The following GPAT4 variants were observed in gnomAD, a reference collection of about 807,000 sequenced individuals.
The protein encoded by GPAT4 is glycerol-3-phosphate acyltransferase 4, also known as 1-AGP acyltransferase 6.
GPAT4 carries 17 observed loss-of-function variants against 58.0 expected under a neutral mutation model. The ratio of observed to expected loss-of-function variants is 0.29; its 90% CI spans 0.20 to 0.44. The LOEUF is 0.44. Ranked by LOEUF, GPAT4 falls within the 20% of genes least tolerant of loss-of-function variation. The pLI, the probability that GPAT4 is intolerant of heterozygous loss-of-function variation, is 1.00. For missense variants in GPAT4, 377 were observed against 574.5 expected (o/e 0.66, Z 3.51); for synonymous variants, 204 against 210.1 (o/e 0.97, Z 0.25).
chr8:41,609,301 G>T, intron 2 of GPAT4, 115 bp from the exon 3 acceptor site: 1 of 1,090,180 alleles, frequency 9.2e-7, no homozygotes, highest in Non-Finnish European at 1.4e-6. Context: ...TGTGCTTCTT[G>T]GCTACGGTCT....
At chr8:41,620,849 G>T in intron 12 of GPAT4, 44 bp from the exon 13 acceptor site, 2 of 1,549,220 alleles carry the variant, frequency 1.3e-6, no homozygotes, top group Non-Finnish European at 1.7e-6. Flanking sequence ...AGCGTGGCTG[G>T]GAGCCCTCTT....
chr8:41,614,519 G>C, intron 9 of GPAT4, 78 bp downstream of exon 9: 1 of 1,420,990 alleles, frequency 7.0e-7, no homozygotes. Context: ...TGGGAACCAA[G>C]GCCCTCAGCC....
At chr8:41,619,875 G>A (rs1469594145) in intron 12 of GPAT4, among the ~76,000 whole-genome samples, 2 of 152,228 alleles carry the variant, frequency 1.3e-5, no homozygotes, top group African/African-American at 4.8e-5. Flanking sequence ...CACTCACTGT[G>A]TGCCAGTCAC....
chr8:41,585,229 A>T (rs977728489), intron 1 of GPAT4, among the ~76,000 whole-genome samples: 1 of 152,158 alleles, frequency 6.6e-6, no homozygotes, highest in African/African-American at 2.4e-5. Flanking sequence ...TGGTGGGCCT[A>T]TGTATGTTCT....
intron 1 of GPAT4, among the ~76,000 whole-genome samples, chr8:41,589,003 T>C (rs1292138143): frequency 6.6e-6 from 1 of 152,200 alleles, no homozygotes; most frequent in Non-Finnish European, 1.5e-5. Context: ...CTTCCCCAGC[T>C]CACATTCTTA....
intron 1 of GPAT4, among the ~76,000 whole-genome samples, chr8:41,595,918 G>T (rs1461774692): frequency 1.3e-5 from 2 of 152,032 alleles, no homozygotes; most frequent in Non-Finnish European, 2.9e-5. Flanking sequence ...ACTGTGGCGG[G>T]GCAGGGGTGG....
rs1395360291 is a variant in GPAT4, at chr8:41,622,135, TC to T, written c.*1136del. On this transcript the variant is annotated 3_prime_UTR_variant, in exon 13 of 13. Transcript: ENST00000396987. ...AATTTCCAGCACAGACGTGGATTTCTCCAGAGACGGGGTGTGTGCGGGTCGC... is the reference window on the plus strand; with the variant it reads ...AATTTCCAGCACAGACGTGGATTTCTCAGAGACGGGGTGTGTGCGGGTCGC... The T allele has an allele frequency of 6.6e-6, 1 of 151,428 alleles. No individual in the cohort carries two copies. Among genetic ancestry groups the T allele is most frequent in the African/African-American group, 2.4e-5 (1 of 41,110 alleles). 9.4% of individuals were successfully genotyped at this position (151,428 alleles called of 1,614,324 possible).
intron 6 of GPAT4, 62 bp downstream of exon 6, chr8:41,612,054 A>G (rs373452542): frequency 6.3e-7 from 1 of 1,596,704 alleles, no homozygotes; most frequent in South Asian, 1.1e-5. Context: ...ACCCACCTAT[A>G]CTTAGCCAAA....
At chr8:41,604,045 TTTTTTTTTGC>T (rs1277911226) in intron 2 of GPAT4, among the ~76,000 whole-genome samples, 2 of 152,182 alleles carry the variant, frequency 1.3e-5, no homozygotes, top group African/African-American at 4.8e-5. Flanking sequence ...AATTTTTTTT[TTTTTTTTTGC>T]CTTCTTCCTT....
chr8:41,620,656 G>C (rs1215030305), intron 12 of GPAT4, among the ~76,000 whole-genome samples: 1 of 152,196 alleles, frequency 6.6e-6, no homozygotes, highest in Non-Finnish European at 1.5e-5. Context: ...CAAGTACCTT[G>C]AATGTGAGTA....
At position 41,593,996 on chromosome 8, in the gene GPAT4, T is replaced by C. The variant is rs371842174; in HGVS notation, c.-848-4296T>C. Among the ~76,000 whole-genome samples the C allele has an allele frequency of 4.6e-4, 70 of 152,370 alleles. 4 individuals carry two copies. In the East Asian group the frequency reaches 6.2e-3, roughly 13 times the overall value. ...GATGATTTTTATACCAGATAAGCTA[T>C]ATTTCATTTTTATATTAGTGTGTTA... On this transcript the variant is annotated intron_variant, in intron 1 of 12. Transcript: ENST00000396987.
chr8:41,619,101 T>G lies in GPAT4; in HGVS notation c.1262+124T>G, dbSNP rs184153988. 6.7e-5 allele frequency: 82 copies of G among 1,218,650 alleles called. No individual in the cohort carries two copies. In the East Asian group the frequency reaches 1.8e-3, roughly 27 times the overall value. The allele number at this position is 1,218,650 out of a possible 1,614,324, so 75.5% of individuals were successfully genotyped here. A position where few individuals can be genotyped will look rare whatever the true frequency, so the allele number is the denominator to read the frequency against. ...CTTGTCAGCTCTAGAGAGAGCAGTT[T>G]GACTCTCCCCGAATTCCAACCCAGA... On this transcript the variant is annotated intron_variant, in intron 12 of 12. Coordinates refer to ENST00000396987, the MANE Select transcript of GPAT4 (RefSeq NM_178819.4).
intron 2 of GPAT4, 34 bp from the exon 3 acceptor site, chr8:41,609,382 C>A (rs756256314): frequency 1.4e-4 from 224 of 1,600,614 alleles, no homozygotes; most frequent in Non-Finnish European, 1.8e-4. Context: ...AGGTCTCATT[C>A]TTGCTCTTGT....
At chr8:41,605,950 A>G (rs920216338) in intron 2 of GPAT4, among the ~76,000 whole-genome samples, 2 of 152,162 alleles carry the variant, frequency 1.3e-5, no homozygotes, top group Admixed American at 6.5e-5. Context: ...AGAGGGAAGC[A>G]ATTCAATAGG....
At chr8:41,587,319 GGTA>G (rs1223758595) in intron 1 of GPAT4, among the ~76,000 whole-genome samples, 1 of 152,192 alleles carries the variant, frequency 6.6e-6, no homozygotes, top group Non-Finnish European at 1.5e-5. Context: ...AGGCAAAAGT[GGTA>G]GTTGAAAACC....
intron 2 of GPAT4, among the ~76,000 whole-genome samples, chr8:41,606,787 A>G (rs894721468): frequency 2.0e-5 from 3 of 152,180 alleles, no homozygotes; most frequent in South Asian, 2.1e-4. Flanking sequence ...TCTTGTGTAG[A>G]TGAAACCTCA....
intron 1 of GPAT4, among the ~76,000 whole-genome samples, chr8:41,597,068 A>G (rs902919108): frequency 2.6e-5 from 4 of 152,198 alleles, no homozygotes; most frequent in Non-Finnish European, 4.4e-5. Context: ...TAGATAACAC[A>G]AAAAGTTAGG....
At chr8:41,587,038 C>T (rs1563268165) in intron 1 of GPAT4, among the ~76,000 whole-genome samples, 1 of 152,228 alleles carries the variant, frequency 6.6e-6, no homozygotes, top group Non-Finnish European at 1.5e-5. Flanking sequence ...TCTGAGGGCC[C>T]ACGTGGCTCA....
Position 41,601,215 on chromosome 8 carries a change from A to G in GPAT4, c.165+1911A>G, listed in dbSNP as rs559371388. ...CGATCTGGAGAGCAGCTGCATGAGC[A>G]TCGCCAAGCAGCTGGTTAGAAATGA... On this transcript the variant is annotated intron_variant, in intron 2 of 12. Transcript: ENST00000396987. 6.6e-5 allele frequency among the ~76,000 whole-genome samples: 10 copies of G among 152,248 alleles called. No homozygotes were observed. In the South Asian group the frequency reaches 2.1e-3, roughly 32 times the overall value.
Sources: gnomAD v4.1 joint callset for allele counts (sites outside exome capture counted in the v4.1 genomes callset) on GRCh38, gnomAD v4.1.1 for gene constraint, MANE v1.5 for transcripts, NCBI Gene and HGNC (gene_info 2026-07-23, HGNC 2026-07-21) for gene names.